The following USPL1 variants were observed in gnomAD, a reference collection of about 807,000 sequenced individuals.
USPL1 encodes ubiquitin specific peptidase like 1.
USPL1 carries 27 observed loss-of-function variants against 51.5 expected under a neutral mutation model. The ratio of observed to expected loss-of-function variants is 0.52; its 90% CI spans 0.39 to 0.72. USPL1 has a LOEUF of 0.72. Among genes scored for constraint, USPL1 ranks in the 30% least tolerant of loss-of-function variants. USPL1 has a pLI of 0.00. For missense variants in USPL1, 1,226 were observed against 1,268.0 expected, an observed-to-expected ratio of 0.97 and a Z score of 0.50; for synonymous variants, 451 against 459.6, an observed-to-expected ratio of 0.98 and a Z score of 0.24.
At chr13:30,621,736 A>G in intron 2 of USPL1, 28 bp from the exon 3 acceptor site, 1 of 1,434,886 alleles carries the variant, frequency 7.0e-7, no homozygotes, top group South Asian at 1.6e-5. Context: ...GAATGTCTAT[A>G]TTTTAATTTG....
rs765149527 is a variant in USPL1 at position 30,637,846 on chromosome 13, G to A, written c.971G>A (p.Arg324Lys). ...EIFISLQPQLRCTLGDMESPV... is the reference protein window; with the variant it reads ...EIFISLQPQLKCTLGDMESPV... Reference sequence around the variant, plus strand: ...TTTATTAGCCTTCAGCCCCAGCTTAGATGCACATTAGGTAAGTAATTGGTA... The same window carrying A: ...TTTATTAGCCTTCAGCCCCAGCTTAAATGCACATTAGGTAAGTAATTGGTA... Residue 324 changes from arginine (R) to lysine (K), a missense_variant, in exon 5 of 9, where the codon AGA (arginine) becomes AAA (lysine). Arg to Lys is a conservative substitution (Grantham distance 26). Transcript: ENST00000255304. 1.2e-6 allele frequency: 2 copies of A among 1,612,752 alleles called. No individual in the cohort carries two copies. The highest frequency in any genetic ancestry group is 1.7e-5 in the Admixed American group (1 of 59,960).
intron 6 of USPL1, among the ~76,000 whole-genome samples, chr13:30,643,305 G>A (rs1950973095): frequency 6.6e-6 from 1 of 152,296 alleles, no homozygotes; most frequent in South Asian, 2.1e-4. Flanking sequence ...TGCATAAGGT[G>A]TATATGAAAC....
intron 8 of USPL1, 111 bp from the exon 9 acceptor site, chr13:30,657,363 C>A: frequency 9.2e-7 from 1 of 1,088,856 alleles, no homozygotes; most frequent in Non-Finnish European, 1.3e-6. Context: ...GTTTTAGAGT[C>A]TTCTCCTTTG....
chr13:30,632,763 G>C (rs1410601502), intron 4 of USPL1, among the ~76,000 whole-genome samples: 3 of 152,086 alleles, frequency 2.0e-5, no homozygotes, highest in Non-Finnish European at 4.4e-5. Context: ...CAGGGTGTCA[G>C]GATAATAGTG....
chr13:30,628,116 G>A (rs947035133), intron 3 of USPL1, among the ~76,000 whole-genome samples: 5 of 147,048 alleles, frequency 3.4e-5, no homozygotes, highest in African/African-American at 5.0e-5. Flanking sequence ...GGCTGGTCTC[G>A]AACTCCTGAC....
At chr13:30,647,718 G>A (rs754788197) in intron 7 of USPL1, among the ~76,000 whole-genome samples, 10 of 151,928 alleles carry the variant, frequency 6.6e-5, no homozygotes, top group Non-Finnish European at 1.0e-4. Flanking sequence ...CAGTCTAATC[G>A]TACATTAAGG....
intron 4 of USPL1, among the ~76,000 whole-genome samples, chr13:30,636,401 C>T (rs1427906548): frequency 6.7e-6 from 1 of 150,056 alleles, no homozygotes; most frequent in Non-Finnish European, 1.5e-5. Flanking sequence ...ATGCTTATTT[C>T]ATATTACAGG....
intron 6 of USPL1, among the ~76,000 whole-genome samples, chr13:30,643,600 A>ACC (rs1321714510): frequency 2.4e-4 from 11 of 45,474 alleles, no homozygotes; most frequent in Non-Finnish European, 3.8e-4. Flanking sequence ...AACTCTTTCC[A>ACC]CCCCCCCCCG....
Position 30,642,753 on chromosome 13 carries a change from A to G in USPL1, c.1108A>G (p.Asn370Asp). The G allele has an allele frequency of 1.2e-6, 2 of 1,609,622 alleles. No individual in the cohort carries two copies. Among genetic ancestry groups the G allele is most frequent in the East Asian group, 4.5e-5 (2 of 44,804 alleles). ...TTCGCAGTGTGGACACCAATATCAA[A>G]ACAGGTTAGTTTCTTTTGTTTTTTA... is the stretch of plus-strand genomic sequence containing the variant. ...ECSQCGHQYQ[N>D]RHMKSLVTFT... Residue 370 changes from asparagine (N) to aspartate (D), a missense_variant, in exon 6 of 9, where the codon AAC (asparagine) becomes GAC (aspartate). By Grantham distance (23) the Asn-to-Asp change is conservative. Coordinates refer to ENST00000255304, the MANE Select transcript of USPL1 (RefSeq NM_005800.5).
chr13:30,622,054 C>A (rs879074161), intron 3 of USPL1, among the ~76,000 whole-genome samples, 162 bp downstream of exon 3: 3 of 151,956 alleles, frequency 2.0e-5, no homozygotes, highest in African/African-American at 7.2e-5. Context: ...TATTTTTCCA[C>A]CTACCTTTAC....
chr13:30,621,764 A>C lies in USPL1; in HGVS notation c.100A>C (p.Asn34His). 6.7e-7 allele frequency: 1 copy of C among 1,501,366 alleles called. No individual in the cohort carries two copies. The highest frequency in any genetic ancestry group is 8.9e-7 in the Non-Finnish European group (1 of 1,129,286). 93.0% of individuals were successfully genotyped at this position (1,501,366 alleles called of 1,614,324 possible). Reference sequence around the variant, plus strand: ...TTAATTTGCTTTATTTCTCTTTTAGAATTTTGATTCAGCTAAAGTTCCATC... The same window carrying C: ...TTAATTTGCTTTATTTCTCTTTTAGCATTTTGATTCAGCTAAAGTTCCATC... ...SLHMVGYLGK[N>H]FDSAKVPSDE... Residue 34 changes from asparagine (N) to histidine (H), a missense_variant and splice_region_variant, in exon 3 of 9, where the codon AAT (asparagine) becomes CAT (histidine). Physicochemically the swap from Asn to His is moderately conservative, Grantham distance 68. Coordinates refer to ENST00000255304, the MANE Select transcript of USPL1 (RefSeq NM_005800.5).
chr13:30,637,843 T>A lies in USPL1; in HGVS notation c.968T>A (p.Leu323His). Reference sequence around the variant, plus strand: ...ATTTTTATTAGCCTTCAGCCCCAGCTTAGATGCACATTAGGTAAGTAATTG... The same window carrying A: ...ATTTTTATTAGCCTTCAGCCCCAGCATAGATGCACATTAGGTAAGTAATTG... ...DEIFISLQPQLRCTLGDMESP... is the reference protein window; with the variant it reads ...DEIFISLQPQHRCTLGDMESP... Residue 323 changes from leucine to histidine, a missense_variant, in exon 5 of 9, where the codon CTT (leucine) becomes CAT (histidine). Coordinates refer to ENST00000255304, the MANE Select transcript of USPL1 (RefSeq NM_005800.5). 1 of 1,613,150 alleles carries A rather than the reference T, an allele frequency of 6.2e-7. No individual in the cohort carries two copies. The highest frequency in any genetic ancestry group is 8.5e-7 in the Non-Finnish European group (1 of 1,179,318).
rs543168272 is a variant in USPL1 at position 30,626,078 on chromosome 13, G to T, written c.228+4186G>T. Among the ~76,000 whole-genome samples the T allele has an allele frequency of 2.6e-5, 4 of 152,322 alleles. No individual in the cohort carries two copies. In the East Asian group the frequency reaches 5.8e-4, roughly 22 times the overall value. ...ACCTGTAATCCCAGCACTTTGGGAGGCCAAGGTGGGTGGATTCTCTTGAGG... is the reference window on the plus strand; with the variant it reads ...ACCTGTAATCCCAGCACTTTGGGAGTCCAAGGTGGGTGGATTCTCTTGAGG... On this transcript the variant is annotated intron_variant, in intron 3 of 8. Coordinates refer to ENST00000255304, the MANE Select transcript of USPL1 (RefSeq NM_005800.5).
Position 30,658,130 on chromosome 13 carries a change from A to G in USPL1, c.2053A>G (p.Thr685Ala), listed in dbSNP as rs1294483448. The G allele has an allele frequency of 1.2e-5, 20 of 1,613,794 alleles. No homozygotes were observed. Among genetic ancestry groups the G allele is most frequent in the Non-Finnish European group, 1.6e-5 (19 of 1,180,024 alleles). Reference sequence around the variant, plus strand: ...TAAATCTGTGAATAATACTGATGCTACTGGTCTTATACAGGGAGTGAAGTC... The same window carrying G: ...TAAATCTGTGAATAATACTGATGCTGCTGGTCTTATACAGGGAGTGAAGTC... ...NTKSVNNTDATGLIQGVKSVE... is the reference protein window; with the variant it reads ...NTKSVNNTDAAGLIQGVKSVE... The change falls in exon 9 of 9, where the codon ACT (threonine) becomes GCT (alanine). Residue 685 changes from threonine (T) to alanine (A), a missense_variant. Transcript: ENST00000255304.
intron 7 of USPL1, 68 bp from the exon 8 acceptor site, chr13:30,653,080 A>G: frequency 6.9e-7 from 1 of 1,457,592 alleles, no homozygotes; most frequent in Non-Finnish European, 9.2e-7. Context: ...TTCACTTCAG[A>G]CATCTTTTGT....
intron 7 of USPL1, among the ~76,000 whole-genome samples, chr13:30,649,429 A>G (rs1951059446): frequency 6.6e-6 from 1 of 152,238 alleles, no homozygotes. Flanking sequence ...TAGAATCCTA[A>G]AAACTAATTA....
At chr13:30,633,002 TC>T (rs11299625) in intron 4 of USPL1, among the ~76,000 whole-genome samples, 151,626 of 152,230 alleles carry the variant, frequency 1, 75,518 homozygotes, top group East Asian at 1. Context: ...ATTCTCTACC[TC>T]CCCCCCATAA....
chr13:30,631,611 C>A (rs554881067), intron 4 of USPL1, 137 bp downstream of exon 4: 3 of 774,482 alleles, frequency 3.9e-6, no homozygotes, highest in Non-Finnish European at 6.0e-6. Flanking sequence ...GGTGGGCCTC[C>A]CACCTCAGTC....
rs1441461388 is a variant in USPL1 at position 30,653,165 on chromosome 13, T to C, written c.1256T>C (p.Met419Thr). The change falls in exon 8 of 9, where the codon ATG becomes ACG. Residue 419 changes from methionine to threonine, a missense_variant. Coordinates refer to ENST00000255304, the MANE Select transcript of USPL1 (RefSeq NM_005800.5). ...MVLEKVSPIFMLHFVEGLPQN... is the reference protein window; with the variant it reads ...MVLEKVSPIFTLHFVEGLPQN... ...TCCCACAGAGTATCTCCCATATTCA[T>C]GTTGCACTTTGTAGAAGGCTTACCA... 3 of 1,603,592 alleles carry C rather than the reference T, an allele frequency of 1.9e-6. No homozygotes were observed. The highest frequency in any genetic ancestry group is 2.6e-6 in the Non-Finnish European group (3 of 1,173,828).
Sources: allele counts gnomAD v4.1 joint callset (sites outside exome capture counted in the v4.1 genomes callset), GRCh38; gene constraint gnomAD v4.1.1; transcripts MANE v1.5; gene names NCBI Gene and HGNC (gene_info 2026-07-23, HGNC 2026-07-21).